The following GSE1 variants were observed in gnomAD, a reference collection of about 807,000 sequenced individuals.
GSE1 encodes Gse1 coiled-coil protein.
GSE1 carries 32 observed loss-of-function variants against 112.6 expected under a neutral mutation model. The observed-to-expected ratio is 0.28, with a 90% confidence interval of 0.21 to 0.38. The LOEUF (loss-of-function observed/expected upper bound fraction) is 0.38, where lower values mean the gene tolerates loss of function less well. GSE1 is among the 10% of genes least tolerant of loss of function. The pLI, the probability that GSE1 is intolerant of heterozygous loss-of-function variation, is 1.00. For synonymous variants in GSE1, 1,115 were observed against 735.6 expected (o/e 1.52, Z -8.35); for missense variants, 2,348 against 1,699.2 (o/e 1.38, Z -6.71).
At chr16:85,645,504 C>T (rs1401774661) in intron 2 of GSE1, among the ~76,000 whole-genome samples, 1 of 152,174 alleles carries the variant, frequency 6.6e-6, no homozygotes, top group African/African-American at 2.4e-5. Context: ...GACAGGGCAG[C>T]TGCCCCACCC....
chr16:85,640,137 C>T (rs1397405245), intron 2 of GSE1, among the ~76,000 whole-genome samples: 4 of 152,184 alleles, frequency 2.6e-5, no homozygotes, highest in Admixed American at 6.5e-5. Context: ...CCCAGCACCA[C>T]CCATGGTGCA....
intron 1 of GSE1, among the ~76,000 whole-genome samples, chr16:85,219,174 G>A (rs1273005619): frequency 6.6e-6 from 1 of 152,062 alleles, no homozygotes; most frequent in East Asian, 1.9e-4. Flanking sequence ...CACCGCGCCC[G>A]GCCTAATTTT....
chr16:85,493,302 G>T (rs2051067907), intron 2 of GSE1, among the ~76,000 whole-genome samples: 1 of 151,946 alleles, frequency 6.6e-6, no homozygotes, highest in African/African-American at 2.4e-5. Context: ...AATAATATTA[G>T]CTGGGCAGGG....
intron 3 of GSE1, among the ~76,000 whole-genome samples, chr16:85,650,730 C>T (rs145059815): frequency 8.1e-4 from 123 of 152,262 alleles, no homozygotes; most frequent in African/African-American, 2.7e-3. Flanking sequence ...GCTCCTCGCT[C>T]GGGCACAGAG....
chr16:85,623,709 G>A (rs554438591), intron 1 of GSE1, among the ~76,000 whole-genome samples: 118 of 152,306 alleles, frequency 7.7e-4, no homozygotes, highest in Non-Finnish European at 1.2e-3. Context: ...CGCCCTGTTG[G>A]AGGGAAGGGA....
intron 1 of GSE1, among the ~76,000 whole-genome samples, chr16:85,174,925 TG>T (rs1418753703): frequency 4.6e-5 from 7 of 152,066 alleles, no homozygotes; most frequent in Non-Finnish European, 1.5e-5. Context: ...ATCTGTCTTT[TG>T]GGGGGTGGTT....
intron 1 of GSE1, among the ~76,000 whole-genome samples, chr16:85,292,032 C>T (rs1008294081): frequency 7.9e-5 from 12 of 152,206 alleles, no homozygotes. Context: ...GAGGTGCCGC[C>T]CCCCATATTC....
At chr16:85,319,025 G>A (rs546043321) in intron 1 of GSE1, among the ~76,000 whole-genome samples, 5 of 152,320 alleles carry the variant, frequency 3.3e-5, no homozygotes, top group Non-Finnish European at 7.4e-5. Flanking sequence ...TTTGGAAAGC[G>A]AGCATCATCT....
chr16:85,496,272 C>CGAT (rs2051174592), intron 2 of GSE1, among the ~76,000 whole-genome samples: 1 of 152,216 alleles, frequency 6.6e-6, no homozygotes, highest in African/African-American at 2.4e-5. Flanking sequence ...CAGGGATGAG[C>CGAT]GATGGGCCGC....
chr16:85,585,396 A>G (rs992856200), intron 1 of GSE1, among the ~76,000 whole-genome samples: 1 of 152,156 alleles, frequency 6.6e-6, no homozygotes, highest in Non-Finnish European at 1.5e-5. Context: ...GGGCATTTTC[A>G]GGGTGCCCAG....
chr16:85,523,811 G>T (rs568664699), intron 2 of GSE1, among the ~76,000 whole-genome samples: 16 of 152,390 alleles, frequency 1.0e-4, no homozygotes, highest in African/African-American at 3.6e-4. Context: ...GCCCTCAGGC[G>T]CAGCGGTCTG....
At chr16:85,280,181 A>G (rs75057237) in intron 1 of GSE1, among the ~76,000 whole-genome samples, 11,593 of 152,170 alleles carry the variant, frequency 0.076, 1,399 homozygotes, top group African/African-American at 0.26. Context: ...GGCGGTGCTT[A>G]AGATGGTAGG....
intron 2 of GSE1, among the ~76,000 whole-genome samples, chr16:85,370,792 C>T (rs745950882): frequency 1.3e-4 from 20 of 152,212 alleles, no homozygotes; most frequent in Non-Finnish European, 2.5e-4. Context: ...GTGACCTGGG[C>T]GGGATATCAC....
chr16:85,385,354 C>T (rs1189392042), intron 2 of GSE1, among the ~76,000 whole-genome samples: 2 of 152,214 alleles, frequency 1.3e-5, no homozygotes, highest in Non-Finnish European at 2.9e-5. Flanking sequence ...GGCCAGGGCT[C>T]CCAGAAGAGT....
chr16:85,574,058 T>G (rs1395349306), intron 1 of GSE1, among the ~76,000 whole-genome samples: 1 of 152,024 alleles, frequency 6.6e-6, no homozygotes, highest in Non-Finnish European at 1.5e-5. Context: ...TCCCCACACA[T>G]GGCGGGCGGG....
intron 3 of GSE1, among the ~76,000 whole-genome samples, chr16:85,652,147 C>T (rs936713547): frequency 6.6e-6 from 1 of 152,248 alleles, no homozygotes; most frequent in Non-Finnish European, 1.5e-5. Context: ...GTGCCATCAA[C>T]TCTGCTGCCC....
At chr16:85,515,393 G>C (rs2151940229) in intron 2 of GSE1, among the ~76,000 whole-genome samples, 1 of 152,388 alleles carries the variant, frequency 6.6e-6, no homozygotes, top group South Asian at 2.1e-4. Flanking sequence ...TAAGTAGCGA[G>C]CTGGCAGTGG....
chr16:85,314,154 C>G (rs894608281), intron 1 of GSE1, among the ~76,000 whole-genome samples: 1 of 152,102 alleles, frequency 6.6e-6, no homozygotes. Context: ...TGTCACTTCC[C>G]CAGCCTCCCT....
At position 85,324,267 on chromosome 16, in the gene GSE1, TGA is replaced by T. The variant is rs577527061; in HGVS notation, c.2284-33191_2284-33190del. Among the ~76,000 whole-genome samples, 13 of 152,296 alleles carry T rather than the reference TGA, an allele frequency of 8.5e-5. 1 individual carries two copies. In the South Asian group the frequency reaches 2.7e-3, roughly 32 times the overall value. On this transcript the variant is annotated intron_variant, in intron 1 of 2. Coordinates refer to the GSE1 transcript ENST00000637419. ...GCTCACGCCTGTAATCCCATCACTT[TGA>T]GAGACTGAGGCAGGTGGATCACCTG...
Sources: gnomAD v4.1 joint callset for allele counts (sites outside exome capture counted in the v4.1 genomes callset) on GRCh38, gnomAD v4.1.1 for gene constraint, MANE v1.5 for transcripts, NCBI Gene and HGNC (gene_info 2026-07-23, HGNC 2026-07-21) for gene names.